CTNNA2: variants seen among roughly 807,000 people sequenced by gnomAD.
CTNNA2 encodes the protein catenin alpha 2.
In CTNNA2, 42 loss-of-function variants were observed where a neutral mutation model predicts 101.0. The observed-to-expected ratio is 0.42, with a 90% CI of 0.32 to 0.54. CTNNA2 has a LOEUF of 0.54. CTNNA2 is among the 20% of genes least tolerant of loss of function. The pLI is 0.14. For synonymous variants in CTNNA2, 450 were observed against 456.4 expected (o/e 0.99, Z 0.18); for missense variants, 871 against 1,223.1 (o/e 0.71, Z 4.29).
intron 7 of CTNNA2, among the ~76,000 whole-genome samples, chr2:80,094,168 G>T (rs1165789338): frequency 1.3e-5 from 2 of 152,092 alleles, no homozygotes; most frequent in South Asian, 2.1e-4. Flanking sequence ...AATCCATCTT[G>T]AATTAATTTT....
intron 7 of CTNNA2, among the ~76,000 whole-genome samples, chr2:80,384,288 T>C (rs1253286631): frequency 6.6e-6 from 1 of 152,084 alleles, no homozygotes; most frequent in Non-Finnish European, 1.5e-5. Flanking sequence ...CTGCACTGTT[T>C]GGCACACTAC....
chr2:80,520,577 ACTC>A (rs1181792152), intron 9 of CTNNA2, among the ~76,000 whole-genome samples: 1 of 152,042 alleles, frequency 6.6e-6, no homozygotes, highest in Non-Finnish European at 1.5e-5. Flanking sequence ...CAGGTGGCTA[ACTC>A]CTTACTGTAT....
intron 7 of CTNNA2, among the ~76,000 whole-genome samples, chr2:80,039,885 T>A (rs1302933958): frequency 6.6e-6 from 1 of 152,230 alleles, no homozygotes; most frequent in African/African-American, 2.4e-5. Context: ...AATTGTTTGG[T>A]AATTTCATGG....
intron 1 of CTNNA2, among the ~76,000 whole-genome samples, chr2:79,531,326 A>C (rs192487473): frequency 3.3e-5 from 5 of 151,330 alleles, no homozygotes; most frequent in African/African-American, 1.2e-4. Context: ...ATAAGCATTA[A>C]AATGCCAGAC....
At chr2:80,362,837 G>T (rs922922693) in intron 7 of CTNNA2, among the ~76,000 whole-genome samples, 1 of 151,842 alleles carries the variant, frequency 6.6e-6, no homozygotes. Flanking sequence ...TAAATGTTAG[G>T]AACTGGGCGT....
At chr2:79,287,022 A>G (rs1675614689) in intron 2 of CTNNA2, among the ~76,000 whole-genome samples, 1 of 151,946 alleles carries the variant, frequency 6.6e-6, no homozygotes, top group Admixed American at 6.6e-5. Context: ...TCCATCGCTG[A>G]TACCCTTTCT....
chr2:80,071,780 G>A (rs1344166482), intron 7 of CTNNA2, among the ~76,000 whole-genome samples: 1 of 152,196 alleles, frequency 6.6e-6, no homozygotes. Flanking sequence ...ATCGGCAGGG[G>A]TTGGAGAATG....
intron 7 of CTNNA2, among the ~76,000 whole-genome samples, chr2:80,014,891 C>G (rs924446268): frequency 3.3e-5 from 5 of 152,150 alleles, no homozygotes; most frequent in Admixed American, 6.5e-5. Flanking sequence ...GAATCTCTTT[C>G]CTTTAATCAC....
chr2:80,261,284 C>G (rs754301879), intron 7 of CTNNA2, among the ~76,000 whole-genome samples: 4 of 151,972 alleles, frequency 2.6e-5, no homozygotes, highest in Non-Finnish European at 5.9e-5. Flanking sequence ...GTCAAACACC[C>G]CTTGTAATAG....
chr2:79,369,619 C>T (rs138030972), intron 3 of CTNNA2, among the ~76,000 whole-genome samples: 3 of 152,266 alleles, frequency 2.0e-5, no homozygotes, highest in African/African-American at 4.8e-5. Flanking sequence ...TTCAAGCCTT[C>T]AAGGCTCACC....
intron 7 of CTNNA2, among the ~76,000 whole-genome samples, chr2:80,279,049 C>CGTGTGTGTGTGTGTGTGTGTGT (rs3219982): frequency 7.4e-5 from 10 of 135,824 alleles, no homozygotes; most frequent in African/African-American, 2.5e-4. Context: ...ATGACTTTTA[C>CGTGTGTGTGTGTGTGTGTGTGT]GTGTGTGTGT....
At chr2:80,414,557 A>G (rs779934476) in intron 8 of CTNNA2, among the ~76,000 whole-genome samples, 1 of 152,136 alleles carries the variant, frequency 6.6e-6, no homozygotes, top group African/African-American at 2.4e-5. Context: ...TGGCCAAAAC[A>G]CTTGTTTTCA....
At chr2:80,144,632 C>G (rs567611167) in intron 7 of CTNNA2, among the ~76,000 whole-genome samples, 2 of 152,096 alleles carry the variant, frequency 1.3e-5, no homozygotes, top group African/African-American at 4.8e-5. Flanking sequence ...CAGCTGGTGT[C>G]CATTGTTATT....
At chr2:80,593,887 G>C (rs76236247) in intron 15 of CTNNA2, among the ~76,000 whole-genome samples, 1 of 152,038 alleles carries the variant, frequency 6.6e-6, no homozygotes, top group Non-Finnish European at 1.5e-5. Context: ...CTCTTAATAA[G>C]CACTTGGGTT....
At chr2:80,211,953 C>G (rs1707921339) in intron 7 of CTNNA2, among the ~76,000 whole-genome samples, 2 of 152,052 alleles carry the variant, frequency 1.3e-5, no homozygotes, top group South Asian at 2.1e-4. Context: ...AGTTGGGTTC[C>G]TAAGTATTTT....
intron 2 of CTNNA2, among the ~76,000 whole-genome samples, chr2:79,676,171 T>C (rs1307866654): frequency 6.6e-6 from 1 of 152,136 alleles, no homozygotes; most frequent in Non-Finnish European, 1.5e-5. Context: ...CTGGGAATGA[T>C]AGAGAAGATA....
intron 7 of CTNNA2, among the ~76,000 whole-genome samples, chr2:80,141,967 T>C (rs192973239): frequency 7.2e-5 from 11 of 151,950 alleles, no homozygotes; most frequent in Admixed American, 7.2e-4. Context: ...CGCTGGCACA[T>C]AGACCTCAGA....
rs184678850 is a variant in CTNNA2, at chr2:79,902,282, C to T, written c.853-7312C>T. Among the ~76,000 whole-genome samples the T allele has an allele frequency of 3.3e-3, 498 of 152,250 alleles. 1 individual carries two copies. Among genetic ancestry groups the T allele is most frequent in the Middle Eastern group, 0.017 (5 of 294 alleles). On this transcript the variant is annotated intron_variant, in intron 6 of 18. Transcript: ENST00000402739. The stretch of plus-strand genomic sequence containing the variant: ...GCATAGACGCCAGAGCTAGAGGGCA[C>T]GCATCCCAATTCCAGCCCTGCTCTT...
chr2:79,613,192 A>G (rs1678399873), intron 1 of CTNNA2, among the ~76,000 whole-genome samples: 1 of 151,724 alleles, frequency 6.6e-6, no homozygotes, highest in Admixed American at 6.6e-5. Flanking sequence ...GTTTGTTTAC[A>G]TACATGCTGA....
Sources: gnomAD v4.1 joint callset for allele counts (sites outside exome capture counted in the v4.1 genomes callset) on GRCh38, gnomAD v4.1.1 for gene constraint, MANE v1.5 for transcripts, NCBI Gene and HGNC (gene_info 2026-07-23, HGNC 2026-07-21) for gene names.